Variants in STXBP5L observed in about 807,000 individuals in gnomAD.
STXBP5L encodes syntaxin binding protein 5L.
Under a neutral mutation model 144.5 loss-of-function variants are expected in STXBP5L, and 65 were observed. The ratio of observed to expected loss-of-function variants is 0.45; its 90% CI spans 0.37 to 0.55. The LOEUF (loss-of-function observed/expected upper bound fraction) is 0.55. STXBP5L is among the 20% of genes least tolerant of loss of function. STXBP5L has a pLI of 0.00. For synonymous variants in STXBP5L, 505 were observed against 469.6 expected, an observed-to-expected ratio of 1.08 and a Z score of -0.97; for missense variants, 1,298 against 1,405.5, an observed-to-expected ratio of 0.92 and a Z score of 1.22.
intron 9 of STXBP5L, among the ~76,000 whole-genome samples, chr3:121,188,118 A>G (rs188970885): frequency 6.5e-4 from 99 of 152,294 alleles, no homozygotes; most frequent in African/African-American, 2.4e-3. Context: ...TCAGTAACAG[A>G]CAGATCATCA....
At chr3:121,206,268 T>C (rs1006645430) in intron 10 of STXBP5L, among the ~76,000 whole-genome samples, 7 of 152,170 alleles carry the variant, frequency 4.6e-5, no homozygotes, top group African/African-American at 1.4e-4. Flanking sequence ...AAAGGACTTC[T>C]GGCCATGCAT....
At chr3:121,387,327 T>G (rs940881864) in intron 22 of STXBP5L, among the ~76,000 whole-genome samples, 5 of 152,212 alleles carry the variant, frequency 3.3e-5, no homozygotes, top group East Asian at 3.8e-4. Context: ...ATGGGTAGAT[T>G]GCAAAAATTT....
At chr3:121,341,574 T>C (rs1030595232) in intron 20 of STXBP5L, among the ~76,000 whole-genome samples, 6 of 151,946 alleles carry the variant, frequency 3.9e-5, no homozygotes, top group Non-Finnish European at 7.4e-5. Flanking sequence ...CTCCCATATA[T>C]TGCAGCACTA....
rs541043722 is a variant in STXBP5L at position 120,963,126 on chromosome 3, G to A, written c.287+8089G>A. Reference sequence around the variant, plus strand: ...CTTTTGATTTTTGCAGATTTATTTTGTATCCTGAGACTTTGCTGAAGTTGC... The same window carrying A: ...CTTTTGATTTTTGCAGATTTATTTTATATCCTGAGACTTTGCTGAAGTTGC... On this transcript the variant is annotated intron_variant, in intron 3 of 26. Transcript: ENST00000471454. 6.5e-4 allele frequency among the ~76,000 whole-genome samples: 99 copies of A among 152,266 alleles called. 1 individual carries two copies. In the South Asian group the frequency reaches 0.02, roughly 30 times the overall value.
rs141483161 is a variant in STXBP5L at position 121,380,349 on chromosome 3, G to GA, written c.2348-938dup. Among the ~76,000 whole-genome samples the GA allele has an allele frequency of 4.9e-3, 741 of 152,076 alleles. 9 individuals are homozygous for GA. The highest frequency in any genetic ancestry group is 0.016 in the African/African-American group (684 of 41,506). On this transcript the variant is annotated intron_variant, in intron 21 of 26. Coordinates refer to ENST00000471454, the MANE Select transcript of STXBP5L (RefSeq NM_001308330.2). ...TAGGAATACTATATTTTGTTTCCTAGAAAAAAGTCTGAGGAGCCTGTATTT... is the reference window on the plus strand; with the variant it reads ...TAGGAATACTATATTTTGTTTCCTAGAAAAAAAGTCTGAGGAGCCTGTATTT...
At chr3:120,950,403 A>AT (rs1711135891) in intron 2 of STXBP5L, among the ~76,000 whole-genome samples, 1 of 151,938 alleles carries the variant, frequency 6.6e-6, no homozygotes, top group Non-Finnish European at 1.5e-5. Context: ...CCAATACCTT[A>AT]TTTTCTTGAT....
intron 4 of STXBP5L, 94 bp from the exon 5 acceptor site, chr3:121,045,341 A>G (rs532025659): frequency 1.6e-5 from 17 of 1,071,554 alleles, no homozygotes; most frequent in East Asian, 2.6e-5. Context: ...GTAACTCTTC[A>G]GGTAGTAAAC....
intron 20 of STXBP5L, among the ~76,000 whole-genome samples, chr3:121,339,558 G>A (rs911276751): frequency 4.6e-5 from 7 of 152,050 alleles, no homozygotes; most frequent in African/African-American, 1.7e-4. Context: ...GGAAGTCATA[G>A]CCAGGCCAAT....
intron 5 of STXBP5L, among the ~76,000 whole-genome samples, chr3:121,058,983 C>G (rs142930084): frequency 0.036 from 5,415 of 152,224 alleles, 147 homozygotes; most frequent in Middle Eastern, 0.082. Flanking sequence ...TTAATTAGAT[C>G]CCATTTGTCA....
chr3:121,211,745 A>G lies in STXBP5L; in HGVS notation c.956+5744A>G, dbSNP rs1475525891. On this transcript the variant is annotated intron_variant, in intron 10 of 26. Coordinates refer to ENST00000471454, the MANE Select transcript of STXBP5L (RefSeq NM_001308330.2). ...AGGCATGTGCCACCATTCCCAGCTAATTTTTGTATTTACTTTAGAAGAGAC... is the reference window on the plus strand; with the variant it reads ...AGGCATGTGCCACCATTCCCAGCTAGTTTTTGTATTTACTTTAGAAGAGAC... 2.0e-5 allele frequency among the ~76,000 whole-genome samples: 3 copies of G among 151,766 alleles called. No homozygotes were observed. In the East Asian group the frequency reaches 5.8e-4, roughly 30 times the overall value.
chr3:121,269,844 A>C (rs946506467), intron 18 of STXBP5L, among the ~76,000 whole-genome samples: 2 of 152,230 alleles, frequency 1.3e-5, no homozygotes, highest in Non-Finnish European at 2.9e-5. Context: ...TGTGCAGTAC[A>C]GTGAAGTACT....
chr3:121,251,906 C>T (rs1283536343), intron 15 of STXBP5L, among the ~76,000 whole-genome samples: 1 of 152,142 alleles, frequency 6.6e-6, no homozygotes, highest in African/African-American at 2.4e-5. Flanking sequence ...TCTGACTTCA[C>T]ATAATAAAAA....
chr3:121,000,697 T>C lies in STXBP5L; in HGVS notation c.288-41003T>C, dbSNP rs142107236. ...GGAGGTAAGAAGGCACTCCGGATTT[T>C]ACAGTTGCCAGAGGTCTTGCACTGA... On this transcript the variant is annotated intron_variant, in intron 3 of 26. Transcript: ENST00000471454. 3.3e-5 allele frequency among the ~76,000 whole-genome samples: 5 copies of C among 152,344 alleles called. No individual in the cohort carries two copies. In the East Asian group the frequency reaches 7.7e-4, roughly 23 times the overall value.
rs990736934 is a variant in STXBP5L, at chr3:121,421,171, G to A, written c.*2074G>A. 4 of 151,920 alleles carry A rather than the reference G, an allele frequency of 2.6e-5. No homozygotes were observed. The highest frequency in any genetic ancestry group is 5.9e-5 in the Non-Finnish European group (4 of 67,964). 9.4% of individuals were successfully genotyped at this position (151,920 alleles called of 1,614,324 possible). ...ATCTGTTTCAAAGACTTAGTTTTCT[G>A]ATTTTCAGAACAAATACTTTATCGT... On this transcript the variant is annotated 3_prime_UTR_variant, in exon 27 of 27. Transcript: ENST00000471454.
In STXBP5L at chr3:120,975,939, T is replaced by C. The variant is rs543867878; in HGVS notation, c.287+20902T>C. Reference sequence around the variant, plus strand: ...AGCTTTTTGATGTGCTGCTGGATTCTGTTTGCCAGTATTTTATTGAGGATT... The same window carrying C: ...AGCTTTTTGATGTGCTGCTGGATTCCGTTTGCCAGTATTTTATTGAGGATT... On this transcript the variant is annotated intron_variant, in intron 3 of 26. Coordinates refer to ENST00000471454, the MANE Select transcript of STXBP5L (RefSeq NM_001308330.2). Among the ~76,000 whole-genome samples the C allele has an allele frequency of 1.7e-3, 260 of 151,072 alleles. 1 individual carries two copies. Among genetic ancestry groups the C allele is most frequent in the African/African-American group, 5.5e-3 (226 of 40,870 alleles).
At chr3:121,294,688 A>C (rs553579128) in intron 19 of STXBP5L, among the ~76,000 whole-genome samples, 15 of 152,258 alleles carry the variant, frequency 9.9e-5, no homozygotes, top group African/African-American at 2.9e-4. Context: ...GAGATTTGTG[A>C]ATAGAGATAT....
intron 19 of STXBP5L, among the ~76,000 whole-genome samples, chr3:121,307,887 G>A (rs1181141757): frequency 2.0e-5 from 3 of 151,766 alleles, no homozygotes; most frequent in Non-Finnish European, 4.4e-5. Context: ...TAGTAAACAT[G>A]CTGAAACACG....
intron 14 of STXBP5L, among the ~76,000 whole-genome samples, chr3:121,249,785 T>C (rs2049973867): frequency 6.6e-6 from 1 of 152,126 alleles, no homozygotes; most frequent in Non-Finnish European, 1.5e-5. Flanking sequence ...GGGGAAAACA[T>C]GCAATCTTTC....
At chr3:121,139,634 A>T (rs754634270) in intron 7 of STXBP5L, among the ~76,000 whole-genome samples, 1 of 152,078 alleles carries the variant, frequency 6.6e-6, no homozygotes, top group Non-Finnish European at 1.5e-5. Context: ...CTGAATCAAA[A>T]TGGTAATTCA....
Sources: gnomAD v4.1 joint callset for allele counts (sites outside exome capture counted in the v4.1 genomes callset) on GRCh38, gnomAD v4.1.1 for gene constraint, MANE v1.5 for transcripts, NCBI Gene and HGNC (gene_info 2026-07-23, HGNC 2026-07-21) for gene names.